SHISAL1: variants seen among roughly 807,000 people sequenced by gnomAD.
SHISAL1 encodes the protein shisa like 1, also known as protein shisa-like-1.
Under a neutral mutation model 22.6 loss-of-function variants are expected in SHISAL1, and 9 were observed. The ratio of observed to expected loss-of-function variants is 0.40; its 90% CI spans 0.24 to 0.70. SHISAL1 has a LOEUF of 0.70. Among genes scored for constraint, SHISAL1 ranks in the 30% least tolerant of loss-of-function variants. The pLI, the probability that SHISAL1 is intolerant of heterozygous loss-of-function variation, is 0.39. For missense variants in SHISAL1, 246 were observed against 270.6 expected (o/e 0.91, Z 0.64); for synonymous variants, 119 against 115.4 (o/e 1.03, Z -0.20).
intron 4 of SHISAL1, among the ~76,000 whole-genome samples, chr22:44,281,262 G>C (rs1216410850): frequency 6.6e-6 from 1 of 152,134 alleles, no homozygotes; most frequent in Non-Finnish European, 1.5e-5. Flanking sequence ...CTATGTGCTG[G>C]GGCCCTGAGT....
rs991333717 is a variant in SHISAL1, at chr22:44,246,840, G to C, written c.*2845C>G. The C allele has an allele frequency of 7.5e-5, 1 of 13,378 alleles. No homozygotes were observed. Among genetic ancestry groups the C allele is most frequent in the Admixed American group, 4.8e-4 (1 of 2,062 alleles). 0.8% of individuals were successfully genotyped at this position (13,378 alleles called of 1,614,324 possible). ...GGGGGTGACCTGCAGGAAGGAGGAT[G>C]CCGTGGCTGTCTGCACCAGGTGTGC... On this transcript the variant is annotated 3_prime_UTR_variant, in exon 5 of 5. Transcript: ENST00000381176.
chr22:44,259,346 G>C (rs574340967), intron 4 of SHISAL1, among the ~76,000 whole-genome samples: 1 of 152,098 alleles, frequency 6.6e-6, no homozygotes, highest in Admixed American at 6.5e-5. Context: ...GCTGAGGCAG[G>C]AGAATCACTT....
At chr22:44,290,638 C>T (rs989383980) in intron 3 of SHISAL1, among the ~76,000 whole-genome samples, 1 of 151,796 alleles carries the variant, frequency 6.6e-6, no homozygotes, top group African/African-American at 2.4e-5. Flanking sequence ...GGGCTCAAGA[C>T]GTCAAGGCTG....
chr22:44,265,465 T>G (rs1284856290), intron 4 of SHISAL1, among the ~76,000 whole-genome samples: 7 of 152,014 alleles, frequency 4.6e-5, no homozygotes, highest in Admixed American at 4.6e-4. Flanking sequence ...GAGAGGTGTA[T>G]CCTCTCCAGC....
chr22:44,249,403 C>T lies in SHISAL1; in HGVS notation c.*282G>A, dbSNP rs1425124864. 1 of 391,654 alleles carries T rather than the reference C, an allele frequency of 2.6e-6. No homozygotes were observed. The highest frequency in any genetic ancestry group is 4.2e-5 in the Admixed American group (1 of 23,698). The allele number at this position is 391,654 out of a possible 1,614,324, so 24.3% of individuals were successfully genotyped here. On this transcript the variant is annotated 3_prime_UTR_variant, in exon 5 of 5. Transcript: ENST00000381176. ...CTTTGTCTTGGTCATCCTGAGTCCA[C>T]AATGAGTCACCTCTCAGAAGCCACC...
chr22:44,282,119 C>T (rs2073534379), intron 4 of SHISAL1, among the ~76,000 whole-genome samples: 1 of 152,248 alleles, frequency 6.6e-6, no homozygotes. Context: ...CCTCGGGGCC[C>T]TCACCCACCA....
intron 4 of SHISAL1, among the ~76,000 whole-genome samples, chr22:44,279,319 G>A (rs758675133): frequency 2.0e-5 from 3 of 152,234 alleles, no homozygotes; most frequent in Admixed American, 6.5e-5. Flanking sequence ...TCCCCACTCA[G>A]GACATCAACT....
At chr22:44,295,821 C>T (rs561606306) in intron 3 of SHISAL1, among the ~76,000 whole-genome samples, 8 of 152,166 alleles carry the variant, frequency 5.3e-5, no homozygotes, top group Non-Finnish European at 1.2e-4. Context: ...AATAGAGAAA[C>T]GCATGCTGTT....
intron 1 of SHISAL1, among the ~76,000 whole-genome samples, chr22:44,305,034 C>G (rs898455068): frequency 1.3e-5 from 2 of 152,160 alleles, no homozygotes; most frequent in Non-Finnish European, 2.9e-5. Flanking sequence ...GATGTTCACC[C>G]CTGGGGGGTA....
chr22:44,260,991 A>C (rs1221250979), intron 4 of SHISAL1, among the ~76,000 whole-genome samples: 1 of 150,948 alleles, frequency 6.6e-6, no homozygotes, highest in Admixed American at 6.6e-5. Flanking sequence ...AAGGGGTGCC[A>C]CTGGGGCATG....
At chr22:44,324,033 CAGG>C in the SHISAL1 span, among the ~76,000 whole-genome samples, 1 of 152,112 alleles carries the variant, frequency 6.6e-6, no homozygotes, top group East Asian at 1.9e-4. Flanking sequence ...GCCACACAGC[CAGG>C]AGGAGTGGAG....
chr22:44,282,208 T>C (rs559310161), intron 4 of SHISAL1, among the ~76,000 whole-genome samples: 1 of 152,260 alleles, frequency 6.6e-6, no homozygotes, highest in Admixed American at 6.5e-5. Context: ...GGCCCAGCAG[T>C]CGCCCAGCTT....
chr22:44,264,350 G>A (rs1247147600), intron 4 of SHISAL1, among the ~76,000 whole-genome samples: 1 of 152,192 alleles, frequency 6.6e-6, no homozygotes, highest in African/African-American at 2.4e-5. Flanking sequence ...CTTCTCAATG[G>A]TGGTTCCTTT....
intron 2 of SHISAL1, 102 bp from the exon 3 acceptor site, chr22:44,296,987 T>C (rs1047675916): frequency 4.6e-6 from 4 of 863,218 alleles, no homozygotes; most frequent in Non-Finnish European, 7.5e-6. Flanking sequence ...TGCCTGCTTC[T>C]TCCCTCCCCT....
chr22:44,292,215 G>C (rs1182880242), intron 3 of SHISAL1, among the ~76,000 whole-genome samples: 1 of 152,166 alleles, frequency 6.6e-6, no homozygotes, highest in African/African-American at 2.4e-5. Flanking sequence ...AAGGGCGATG[G>C]GGGAGGACCA....
At chr22:44,268,738 G>A (rs540184625) in intron 4 of SHISAL1, among the ~76,000 whole-genome samples, 4 of 152,306 alleles carry the variant, frequency 2.6e-5, no homozygotes, top group African/African-American at 4.8e-5. Flanking sequence ...GGAGGAGCTC[G>A]CCAAGGGGCT....
intron 1 of SHISAL1, among the ~76,000 whole-genome samples, chr22:44,308,733 A>G (rs9614231): frequency 0.28 from 43,037 of 152,038 alleles, 6,545 homozygotes; most frequent in Non-Finnish European, 0.34. Context: ...TTTGTGTCCT[A>G]ACTTGAGAGT....
chr22:44,263,485 C>A (rs1412562124), intron 4 of SHISAL1, among the ~76,000 whole-genome samples: 1 of 152,194 alleles, frequency 6.6e-6, no homozygotes, highest in Non-Finnish European at 1.5e-5. Flanking sequence ...AGGAACCTAT[C>A]TGGGGCAAGA....
At chr22:44,319,101 C>T in the SHISAL1 span, among the ~76,000 whole-genome samples, 7 of 152,264 alleles carry the variant, frequency 4.6e-5, no homozygotes, top group South Asian at 2.1e-4. Context: ...CTCCAGGCCA[C>T]GGAGGCAGAA....
Sources: gnomAD v4.1 joint callset for allele counts (sites outside exome capture counted in the v4.1 genomes callset) on GRCh38, gnomAD v4.1.1 for gene constraint, MANE v1.5 for transcripts, NCBI Gene and HGNC (gene_info 2026-07-23, HGNC 2026-07-21) for gene names.